The following NRXN3 variants were observed in gnomAD, a reference collection of about 807,000 sequenced individuals.
NRXN3 encodes the protein neurexin 3, also known as neurexin III.
NRXN3 carries 32 observed loss-of-function variants against 137.6 expected under a neutral mutation model. The observed-to-expected ratio is 0.23, with a 90% CI of 0.18 to 0.31. NRXN3 has a LOEUF of 0.31. Ranked by LOEUF, NRXN3 falls within the 10% of genes least tolerant of loss-of-function variation. The pLI, the probability that NRXN3 is intolerant of heterozygous loss-of-function variation, is 1.00. For synonymous variants in NRXN3, 798 were observed against 784.5 expected, an observed-to-expected ratio of 1.02 and a Z score of -0.29; for missense variants, 1,574 against 2,062.5, an observed-to-expected ratio of 0.76 and a Z score of 4.59.
chr14:78,898,802 G>A (rs28452471), intron 10 of NRXN3, among the ~76,000 whole-genome samples: 5,489 of 151,868 alleles, frequency 0.036, 340 homozygotes, highest in African/African-American at 0.13. Flanking sequence ...ATTTATCCTA[G>A]AGTTTTAGGG....
intron 4 of NRXN3, among the ~76,000 whole-genome samples, chr14:78,477,266 A>G (rs1294666735): frequency 6.6e-6 from 1 of 152,152 alleles, no homozygotes; most frequent in East Asian, 1.9e-4. Context: ...CTTTCTGCTC[A>G]TTCATTCTCT....
chr14:79,707,364 G>A (rs1371229429), intron 19 of NRXN3, among the ~76,000 whole-genome samples: 1 of 152,178 alleles, frequency 6.6e-6, no homozygotes, highest in Non-Finnish European at 1.5e-5. Flanking sequence ...AAGCAGCCTG[G>A]TACGGAGGAA....
At chr14:79,517,574 C>T (rs756803070) in intron 16 of NRXN3, among the ~76,000 whole-genome samples, 2 of 152,076 alleles carry the variant, frequency 1.3e-5, no homozygotes, top group African/African-American at 4.8e-5. Flanking sequence ...ATGGTTTTCT[C>T]TTAGCACTAC....
chr14:78,716,359 A>G (rs530946699), intron 8 of NRXN3, among the ~76,000 whole-genome samples: 11 of 152,350 alleles, frequency 7.2e-5, no homozygotes, highest in Admixed American at 7.2e-4. Context: ...AATTTGCATC[A>G]GGATCAAGTT....
At chr14:79,275,282 G>C (rs1224553065) in intron 15 of NRXN3, among the ~76,000 whole-genome samples, 1 of 151,906 alleles carries the variant, frequency 6.6e-6, no homozygotes, top group Admixed American at 6.6e-5. Flanking sequence ...GCCCTTTGTA[G>C]AGATAGAAAG....
At chr14:79,280,408 A>G (rs1295244819) in intron 15 of NRXN3, 1 of 1,614,028 alleles carries the variant, frequency 6.2e-7, no homozygotes, top group Non-Finnish European at 8.5e-7. Flanking sequence ...CTTCTAATGT[A>G]GCTTCCTCCT....
At chr14:79,178,664 T>A (rs1290553438) in intron 15 of NRXN3, among the ~76,000 whole-genome samples, 1 of 152,260 alleles carries the variant, frequency 6.6e-6, no homozygotes. Context: ...TTAGGTTCTG[T>A]GTTTTGGGGG....
At chr14:79,043,512 G>T (rs1370778602) in intron 15 of NRXN3, among the ~76,000 whole-genome samples, 1 of 152,136 alleles carries the variant, frequency 6.6e-6, no homozygotes, top group Non-Finnish European at 1.5e-5. Context: ...TCCTGAAATT[G>T]CACACTCACC....
At chr14:78,891,052 AT>A (rs1294598514) in intron 10 of NRXN3, among the ~76,000 whole-genome samples, 1 of 151,970 alleles carries the variant, frequency 6.6e-6, no homozygotes, top group Non-Finnish European at 1.5e-5. Context: ...ACATTTGTTA[AT>A]TTTGTCTGGC....
At chr14:78,833,035 T>A (rs918200170) in intron 10 of NRXN3, among the ~76,000 whole-genome samples, 3 of 152,192 alleles carry the variant, frequency 2.0e-5, no homozygotes, top group African/African-American at 7.2e-5. Context: ...ACCTAGGGGT[T>A]GGAGATAGAC....
At chr14:79,253,034 G>A (rs1175827572) in intron 15 of NRXN3, among the ~76,000 whole-genome samples, 1 of 152,122 alleles carries the variant, frequency 6.6e-6, no homozygotes. Flanking sequence ...CATGGATGAA[G>A]GTACAACATG....
chr14:78,741,464 C>T (rs970498426), intron 8 of NRXN3, among the ~76,000 whole-genome samples: 10 of 152,228 alleles, frequency 6.6e-5, no homozygotes, highest in Middle Eastern at 3.4e-3. Flanking sequence ...AGCTTCTCAA[C>T]GTCTCAGTTT....
intron 15 of NRXN3, among the ~76,000 whole-genome samples, chr14:79,347,691 G>T (rs183519046): frequency 1.3e-5 from 2 of 152,262 alleles, no homozygotes; most frequent in South Asian, 2.1e-4. Flanking sequence ...AAAGTGCTGG[G>T]ATTACAGGCG....
intron 19 of NRXN3, among the ~76,000 whole-genome samples, chr14:79,774,874 G>A (rs2099091712): frequency 6.6e-6 from 1 of 152,060 alleles, no homozygotes; most frequent in South Asian, 2.1e-4. Context: ...TGAAATTCTG[G>A]AAGGGACAGA....
intron 10 of NRXN3, among the ~76,000 whole-genome samples, chr14:78,948,099 A>G (rs1159263194): frequency 1.3e-5 from 2 of 152,178 alleles, no homozygotes; most frequent in Non-Finnish European, 2.9e-5. Flanking sequence ...CCTGAGACAA[A>G]GACTTGGGTG....
At chr14:79,193,666 C>G (rs2064733181) in intron 15 of NRXN3, among the ~76,000 whole-genome samples, 1 of 152,118 alleles carries the variant, frequency 6.6e-6, no homozygotes, top group African/African-American at 2.4e-5. Flanking sequence ...GGAAAAAAAT[C>G]TGCTTAAACT....
chr14:78,773,344 C>G (rs1334005399), intron 8 of NRXN3, among the ~76,000 whole-genome samples: 1 of 152,068 alleles, frequency 6.6e-6, no homozygotes, highest in Non-Finnish European at 1.5e-5. Flanking sequence ...GATTCCTACT[C>G]CTCCCCTTCC....
intron 4 of NRXN3, among the ~76,000 whole-genome samples, chr14:78,397,105 G>A (rs2091537757): frequency 6.6e-6 from 1 of 152,178 alleles, no homozygotes; most frequent in Admixed American, 6.5e-5. Flanking sequence ...TTTTAGGGGT[G>A]CACAATTCAG....
chr14:79,136,122 G>A (rs1247845597), intron 15 of NRXN3, among the ~76,000 whole-genome samples: 1 of 152,194 alleles, frequency 6.6e-6, no homozygotes, highest in African/African-American at 2.4e-5. Context: ...TGGGTTTCCA[G>A]AGGCATAAAT....
Sources: allele counts gnomAD v4.1 joint callset (sites outside exome capture counted in the v4.1 genomes callset), GRCh38; gene constraint gnomAD v4.1.1; transcripts MANE v1.5; gene names NCBI Gene and HGNC (gene_info 2026-07-23, HGNC 2026-07-21).